Variants in IGSF21 observed in about 807,000 individuals in gnomAD.
IGSF21 encodes immunoglobulin superfamily member 21.
IGSF21 carries 28 observed loss-of-function variants against 46.8 expected under a neutral mutation model. The ratio of observed to expected loss-of-function variants is 0.60; its 90% confidence interval spans 0.44 to 0.82. The LOEUF is 0.82. Among genes scored for constraint, IGSF21 ranks in the 40% least tolerant of loss-of-function variants. IGSF21 has a pLI of 0.00. For missense variants in IGSF21, 624 were observed against 665.5 expected, an observed-to-expected ratio of 0.94 and a Z score of 0.69; for synonymous variants, 284 against 273.6, an observed-to-expected ratio of 1.04 and a Z score of -0.38.
At chr1:18,174,673 G>A (rs1240152834) in intron 1 of IGSF21, among the ~76,000 whole-genome samples, 1 of 152,170 alleles carries the variant, frequency 6.6e-6, no homozygotes, top group African/African-American at 2.4e-5. Context: ...GATTCCCATC[G>A]CCTTCTCCCC....
chr1:18,137,903 G>A (rs1050166542), intron 1 of IGSF21, among the ~76,000 whole-genome samples: 3 of 152,072 alleles, frequency 2.0e-5, no homozygotes, highest in Admixed American at 6.5e-5. Context: ...TTTATAAATG[G>A]AGAAAACTGA....
intron 4 of IGSF21, among the ~76,000 whole-genome samples, chr1:18,341,012 C>CTCT (rs10536109): frequency 0.049 from 4,127 of 85,082 alleles, 226 homozygotes; most frequent in Non-Finnish European, 0.055. Flanking sequence ...CCTCCTTCTT[C>CTCT]TCTTCTTCTT....
intron 3 of IGSF21, among the ~76,000 whole-genome samples, chr1:18,326,658 G>A (rs2085661126): frequency 1.3e-5 from 2 of 152,180 alleles, no homozygotes; most frequent in Non-Finnish European, 2.9e-5. Flanking sequence ...GTTTGGTCCT[G>A]AAGAGTCTTC....
intron 2 of IGSF21, among the ~76,000 whole-genome samples, chr1:18,260,749 G>T (rs1038529204): frequency 7.9e-5 from 12 of 152,212 alleles, no homozygotes; most frequent in Non-Finnish European, 1.6e-4. Flanking sequence ...CTTATGGAAA[G>T]TTCCTTCCAT....
intron 1 of IGSF21, among the ~76,000 whole-genome samples, chr1:18,156,143 C>CT (rs773676396): frequency 4.3e-4 from 65 of 152,272 alleles, no homozygotes; most frequent in Non-Finnish European, 9.3e-4. Flanking sequence ...TTGTGTAGCC[C>CT]TAGAGGAACA....
At chr1:18,343,281 T>A (rs986615994) in intron 4 of IGSF21, among the ~76,000 whole-genome samples, 1 of 152,222 alleles carries the variant, frequency 6.6e-6, no homozygotes, top group Non-Finnish European at 1.5e-5. Context: ...TTTGGTCATT[T>A]TCAATGGCCT....
chr1:18,203,134 C>G (rs752209561), intron 1 of IGSF21, among the ~76,000 whole-genome samples: 49 of 152,294 alleles, frequency 3.2e-4, no homozygotes, highest in Admixed American at 7.8e-4. Flanking sequence ...GAGACGTTTT[C>G]TTATCAATCT....
At chr1:18,291,098 G>A (rs910072020) in intron 2 of IGSF21, among the ~76,000 whole-genome samples, 1 of 152,212 alleles carries the variant, frequency 6.6e-6, no homozygotes, top group East Asian at 1.9e-4. Context: ...TGGAGGCAGC[G>A]CAGATGTGGG....
intron 6 of IGSF21, among the ~76,000 whole-genome samples, chr1:18,366,647 G>A (rs527450327): frequency 6.6e-6 from 1 of 152,160 alleles, no homozygotes; most frequent in Non-Finnish European, 1.5e-5. Context: ...GAACACATAG[G>A]ACATGGAAGG....
At chr1:18,123,953 G>T (rs971822619) in intron 1 of IGSF21, among the ~76,000 whole-genome samples, 2 of 152,176 alleles carry the variant, frequency 1.3e-5, no homozygotes, top group Admixed American at 6.5e-5. Context: ...CCCCACCCTG[G>T]GAAGCATGAA....
chr1:18,268,657 G>A (rs984092409), intron 2 of IGSF21, among the ~76,000 whole-genome samples: 1 of 152,320 alleles, frequency 6.6e-6, no homozygotes, highest in African/African-American at 2.4e-5. Flanking sequence ...TGGGAGTGGG[G>A]GAAGTTATTT....
At chr1:18,138,701 C>T (rs151274003) in intron 1 of IGSF21, among the ~76,000 whole-genome samples, 137 of 152,268 alleles carry the variant, frequency 9.0e-4, no homozygotes, top group African/African-American at 3.2e-3. Flanking sequence ...CACACATGGG[C>T]CAAGTGCTCT....
chr1:18,227,157 A>G (rs2084576321), intron 1 of IGSF21, among the ~76,000 whole-genome samples: 1 of 152,130 alleles, frequency 6.6e-6, no homozygotes, highest in Non-Finnish European at 1.5e-5. Flanking sequence ...CTAACATATC[A>G]CCACTGCCAT....
At chr1:18,371,620 C>A (rs112420759) in intron 6 of IGSF21, among the ~76,000 whole-genome samples, 7 of 151,860 alleles carry the variant, frequency 4.6e-5, no homozygotes, top group African/African-American at 1.7e-4. Flanking sequence ...ACAGAGTACT[C>A]ACTGTGTGAG....
At chr1:18,160,199 A>C (rs551408001) in intron 1 of IGSF21, among the ~76,000 whole-genome samples, 3 of 152,328 alleles carry the variant, frequency 2.0e-5, no homozygotes, top group South Asian at 2.1e-4. Context: ...GAAGAGTTAT[A>C]ACCAGATAGA....
intron 3 of IGSF21, among the ~76,000 whole-genome samples, chr1:18,296,575 G>A (rs534263517): frequency 1.5e-4 from 23 of 152,308 alleles, no homozygotes; most frequent in South Asian, 1.0e-3. Context: ...AACCTCTCAC[G>A]TGAAGGTCTT....
At chr1:18,289,062 G>A (rs1042530909) in intron 2 of IGSF21, among the ~76,000 whole-genome samples, 2 of 152,092 alleles carry the variant, frequency 1.3e-5, no homozygotes, top group African/African-American at 2.4e-5. Context: ...GGATGTGTGG[G>A]GTGTGGGTGT....
At chr1:18,220,223 T>C (rs2084496301) in intron 1 of IGSF21, among the ~76,000 whole-genome samples, 1 of 152,192 alleles carries the variant, frequency 6.6e-6, no homozygotes, top group Non-Finnish European at 1.5e-5. Context: ...CCTACCATCC[T>C]GAGTGAGAGA....
chr1:18,120,607 G>A lies in IGSF21; in HGVS notation c.70+12409G>A, dbSNP rs2086226214. 2.0e-5 allele frequency among the ~76,000 whole-genome samples: 3 copies of A among 152,326 alleles called. No homozygotes were observed. The South Asian group carries it at 6.2e-4, about 32-fold the overall frequency. ...GCGATGGTGCAATGAGACAACATAT[G>A]TATAGCTAATGATTGGTAGCTATTT... On this transcript the variant is annotated intron_variant, in intron 1 of 9. Transcript: ENST00000251296.
Sources: gnomAD v4.1 joint callset for allele counts (sites outside exome capture counted in the v4.1 genomes callset) on GRCh38, gnomAD v4.1.1 for gene constraint, MANE v1.5 for transcripts, NCBI Gene and HGNC (gene_info 2026-07-23, HGNC 2026-07-21) for gene names.